The following FRK variants were observed in gnomAD, a reference collection of about 807,000 sequenced individuals.
FRK encodes the protein fyn related Src family tyrosine kinase.
A neutral mutation model predicts 56.4 loss-of-function variants in FRK; 51 were observed. The ratio of observed to expected loss-of-function variants is 0.90; its 90% CI spans 0.72 to 1.14. FRK has a LOEUF of 1.14. Ranked by LOEUF, FRK falls within the 50% of genes most tolerant of loss-of-function variation. The pLI is 0.00. For missense variants in FRK, 570 were observed against 601.4 expected (o/e 0.95, Z 0.55); for synonymous variants, 245 against 217.9 (o/e 1.12, Z -1.10).
chr6:116,039,222 G>A, intron 1 of FRK: 1 of 1,475,702 alleles, frequency 6.8e-7, no homozygotes, highest in Admixed American at 1.7e-5. Flanking sequence ...TGAAGGACTG[G>A]AGCAAGGTCG....
intron 5 of FRK, among the ~76,000 whole-genome samples, chr6:115,947,762 C>G (rs1772527533): frequency 6.6e-6 from 1 of 152,124 alleles, no homozygotes; most frequent in African/African-American, 2.4e-5. Context: ...TGACATTATT[C>G]AGTCTAAAAC....
Position 115,967,728 on chromosome 6 carries a change from T to C in FRK, c.631-9A>G, listed in dbSNP as rs1222677591. Reference sequence around the variant, plus strand: ...GGAGCTGGGACCTGGATCTGTTTCATAGAATAATAAGAGCAATTGTTAAAA... The same window carrying C: ...GGAGCTGGGACCTGGATCTGTTTCACAGAATAATAAGAGCAATTGTTAAAA... On this transcript the variant is annotated splice_polypyrimidine_tract_variant and intron_variant, in intron 3 of 7. Coordinates refer to ENST00000606080, the MANE Select transcript of FRK (RefSeq NM_002031.3). 19 of 1,549,488 alleles carry C rather than the reference T, an allele frequency of 1.2e-5. No individual in the cohort carries two copies. The highest frequency in any genetic ancestry group is 2.5e-5 in the South Asian group (2 of 81,442).
chr6:115,992,378 G>A (rs943250011), intron 2 of FRK, among the ~76,000 whole-genome samples: 8 of 151,664 alleles, frequency 5.3e-5, no homozygotes, highest in Non-Finnish European at 1.2e-4. Context: ...TTGTCATAGT[G>A]TGACCTATTT....
the FRK span, among the ~76,000 whole-genome samples, chr6:116,092,535 A>G: frequency 1.3e-5 from 2 of 152,190 alleles, no homozygotes; most frequent in African/African-American, 4.8e-5. Context: ...GAGGACAGGC[A>G]AAGGTGCAGG....
rs185292059 is a variant in FRK, at chr6:116,049,421, T to C, written c.344+10547A>G. ...AAGACAGTCTTTCTGCTCCAGGAAATTTACAATCTCAGGAGAAAATAGATA... is the reference window on the plus strand; with the variant it reads ...AAGACAGTCTTTCTGCTCCAGGAAACTTACAATCTCAGGAGAAAATAGATA... On this transcript the variant is annotated intron_variant, in intron 1 of 7. Coordinates refer to ENST00000606080, the MANE Select transcript of FRK (RefSeq NM_002031.3). 1.8e-3 allele frequency among the ~76,000 whole-genome samples: 268 copies of C among 152,274 alleles called. 3 individuals carry two copies. The highest frequency in any genetic ancestry group is 5.8e-3 in the African/African-American group (239 of 41,562).
Position 116,060,389 on chromosome 6 carries a change from C to A in FRK, c.-78G>T. On this transcript the variant is annotated 5_prime_UTR_variant, in exon 1 of 8. Transcript: ENST00000606080. ...CTGCGATCCACCTTATCTTCCTTCA[C>A]CAGGCAACTTTGAAGTCAGCACCAA... 8.4e-7 allele frequency: 1 copy of A among 1,195,674 alleles called. No individual in the cohort carries two copies. Among genetic ancestry groups the A allele is most frequent in the Non-Finnish European group, 1.2e-6 (1 of 840,504 alleles). The allele number at this position is 1,195,674 out of a possible 1,614,324, so 74.1% of individuals were successfully genotyped here. A position where few individuals can be genotyped will look rare whatever the true frequency, so the allele number is the denominator to read the frequency against.
chr6:115,992,059 C>T (rs1236371100), intron 2 of FRK, among the ~76,000 whole-genome samples: 1 of 151,578 alleles, frequency 6.6e-6, no homozygotes. Context: ...TTCTCTCTCT[C>T]TTTTTGTTTC....
intron 1 of FRK, among the ~76,000 whole-genome samples, chr6:116,042,375 G>C (rs1428314569): frequency 1.3e-5 from 2 of 152,176 alleles, no homozygotes; most frequent in African/African-American, 4.8e-5. Flanking sequence ...CACTAGACTA[G>C]CAGCAGATCT....
At chr6:116,033,380 G>T (rs1239774618) in intron 1 of FRK, among the ~76,000 whole-genome samples, 2 of 152,180 alleles carry the variant, frequency 1.3e-5, no homozygotes, top group Non-Finnish European at 2.9e-5. Context: ...GGGATAATTT[G>T]TCCTAAGCCC....
At chr6:115,967,465 C>T (rs571691544) in intron 4 of FRK, 86 bp downstream of exon 4, 2 of 1,324,240 alleles carry the variant, frequency 1.5e-6, no homozygotes, top group Admixed American at 3.8e-5. Flanking sequence ...CAGTATTAGC[C>T]ACCCTATGAC....
At chr6:116,057,964 G>C (rs1389487473) in intron 1 of FRK, among the ~76,000 whole-genome samples, 2 of 152,256 alleles carry the variant, frequency 1.3e-5, no homozygotes, top group East Asian at 3.9e-4. Context: ...GAATGTAACT[G>C]AACCACTACA....
At chr6:115,994,355 A>T (rs1774753963) in intron 2 of FRK, among the ~76,000 whole-genome samples, 2 of 106,022 alleles carry the variant, frequency 1.9e-5, no homozygotes, top group African/African-American at 6.9e-5. Flanking sequence ...TTGTCATTAT[A>T]CTCATCTTTG....
chr6:116,015,586 A>G (rs1002770402), intron 1 of FRK, among the ~76,000 whole-genome samples: 1 of 152,232 alleles, frequency 6.6e-6, no homozygotes, highest in Non-Finnish European at 1.5e-5. Context: ...GAAGACAGGA[A>G]TATGTAGGAA....
chr6:115,975,666 C>G (rs1353991601), intron 2 of FRK, among the ~76,000 whole-genome samples: 1 of 152,030 alleles, frequency 6.6e-6, no homozygotes, highest in Admixed American at 6.6e-5. Context: ...TGAGTTCATA[C>G]TAGTTAAGTA....
upstream of FRK, among the ~76,000 whole-genome samples, chr6:116,063,139 G>A (rs1488752792): frequency 2.0e-5 from 3 of 152,110 alleles, no homozygotes; most frequent in African/African-American, 7.2e-5. Context: ...TATCTGTTTG[G>A]AAAGCTTTCT....
At chr6:116,024,714 C>T (rs1776020788) in intron 1 of FRK, among the ~76,000 whole-genome samples, 4 of 152,194 alleles carry the variant, frequency 2.6e-5, no homozygotes, top group African/African-American at 9.6e-5. Context: ...TGAACAGTGC[C>T]ACAATAAACA....
chr6:116,001,823 A>C (rs1375364915), intron 2 of FRK, among the ~76,000 whole-genome samples: 1 of 151,488 alleles, frequency 6.6e-6, no homozygotes. Context: ...TCTTCTTTCG[A>C]ATTCCTTTTT....
At chr6:116,016,329 C>G (rs1275574752) in intron 1 of FRK, among the ~76,000 whole-genome samples, 1 of 152,092 alleles carries the variant, frequency 6.6e-6, no homozygotes, top group Non-Finnish European at 1.5e-5. Flanking sequence ...TCTACTGTTC[C>G]TTATTTGAAT....
chr6:115,978,380 T>A (rs1046222260), intron 2 of FRK, among the ~76,000 whole-genome samples: 1 of 152,084 alleles, frequency 6.6e-6, no homozygotes, highest in Non-Finnish European at 1.5e-5. Flanking sequence ...ATGAAGGAAA[T>A]AAGACAAAAG....
Sources: allele counts gnomAD v4.1 joint callset (sites outside exome capture counted in the v4.1 genomes callset), GRCh38; gene constraint gnomAD v4.1.1; transcripts MANE v1.5; gene names NCBI Gene and HGNC (gene_info 2026-07-23, HGNC 2026-07-21).